The following DOCK2 variants were observed in gnomAD, a reference collection of about 807,000 sequenced individuals.
DOCK2 encodes dedicator of cytokinesis 2, also known as dedicator of cytokinesis protein 2.
DOCK2 carries 87 observed loss-of-function variants against 248.9 expected under a neutral mutation model. The observed-to-expected ratio is 0.35, with a 90% CI of 0.29 to 0.42. The LOEUF (loss-of-function observed/expected upper bound fraction) is 0.42, where lower values mean the gene tolerates loss of function less well. Among genes scored for constraint, DOCK2 ranks in the 10% least tolerant of loss-of-function variants. The pLI is 1.00. For synonymous variants in DOCK2, 805 were observed against 821.6 expected (o/e 0.98, Z 0.35); for missense variants, 1,747 against 2,300.2 (o/e 0.76, Z 4.92).
At chr5:170,030,435 T>G (rs1756092236) in intron 34 of DOCK2, among the ~76,000 whole-genome samples, 1 of 152,208 alleles carries the variant, frequency 6.6e-6, no homozygotes, top group African/African-American at 2.4e-5. Context: ...GATAAAATAT[T>G]ATCGAGCCCT....
chr5:170,048,528 T>C (rs1756797192), intron 40 of DOCK2, among the ~76,000 whole-genome samples: 1 of 152,264 alleles, frequency 6.6e-6, no homozygotes, highest in African/African-American at 2.4e-5. Context: ...TTGCTTCACA[T>C]TTCTGCAAAT....
chr5:169,975,497 T>C (rs1777683335), intron 27 of DOCK2, among the ~76,000 whole-genome samples: 1 of 152,174 alleles, frequency 6.6e-6, no homozygotes, highest in Non-Finnish European at 1.5e-5. Flanking sequence ...CCCTCAGTCA[T>C]ACCTTTCCAC....
At chr5:170,020,710 C>T (rs990745383) in intron 33 of DOCK2, among the ~76,000 whole-genome samples, 1 of 152,240 alleles carries the variant, frequency 6.6e-6, no homozygotes, top group Non-Finnish European at 1.5e-5. Flanking sequence ...TTCCTAAACC[C>T]ATGCTGCAAC....
intron 22 of DOCK2, among the ~76,000 whole-genome samples, chr5:169,742,339 G>A (rs752359065): frequency 6.6e-6 from 1 of 152,104 alleles, no homozygotes; most frequent in Non-Finnish European, 1.5e-5. Context: ...TTTGATTTTC[G>A]AGCAACCTTA....
intron 14 of DOCK2, among the ~76,000 whole-genome samples, chr5:169,705,344 T>C (rs1024983863): frequency 1.3e-5 from 2 of 152,060 alleles, no homozygotes; most frequent in Admixed American, 6.5e-5. Flanking sequence ...GAGAAAGGCT[T>C]AGATGCTGGG....
chr5:170,030,779 T>A (rs528076678), intron 34 of DOCK2, among the ~76,000 whole-genome samples: 62 of 152,330 alleles, frequency 4.1e-4, no homozygotes, highest in Non-Finnish European at 5.3e-4. Flanking sequence ...CCTAGGCTAG[T>A]CATCTCAGTT....
chr5:169,967,201 A>G (rs765619152), intron 27 of DOCK2, among the ~76,000 whole-genome samples: 8 of 152,250 alleles, frequency 5.3e-5, no homozygotes, highest in Non-Finnish European at 4.4e-5. Flanking sequence ...TGATATGCAC[A>G]GGGACATGAG....
Position 170,059,909 on chromosome 5 carries a change from G to A in DOCK2, c.4467+2243G>A, listed in dbSNP as rs191995432. 1.2e-3 allele frequency among the ~76,000 whole-genome samples: 182 copies of A among 152,304 alleles called. 1 individual carries two copies. In the South Asian group the frequency reaches 0.014, roughly 12 times the overall value. On this transcript the variant is annotated intron_variant, in intron 44 of 51. Coordinates refer to ENST00000520908, the MANE Select transcript of DOCK2 (RefSeq NM_004946.3). ...CATTGGGGAAACCTTCAAAAAGTTG[G>A]CCAGAGTGAATTTATCTTTAATGGC... is the stretch of plus-strand genomic sequence containing the variant.
At chr5:169,913,320 TGA>T (rs1359361308) in intron 27 of DOCK2, among the ~76,000 whole-genome samples, 2 of 152,230 alleles carry the variant, frequency 1.3e-5, no homozygotes, top group Admixed American at 6.5e-5. Context: ...CCACTCTGCC[TGA>T]GTTTTATTTA....
At chr5:169,724,789 C>T (rs376338973) in intron 22 of DOCK2, among the ~76,000 whole-genome samples, 8 of 150,798 alleles carry the variant, frequency 5.3e-5, no homozygotes, top group South Asian at 2.1e-4. Context: ...TTATTTATTC[C>T]GTGCCACCCT....
chr5:169,830,594 A>G lies in DOCK2; in HGVS notation c.2704-10163A>G, dbSNP rs562328459. On this transcript the variant is annotated intron_variant, in intron 26 of 51. Transcript: ENST00000520908. ...CTCCAACCAGCCTTTATTCATTGGC[A>G]TTAAGATATTGAACATGCAGACTTT... Among the ~76,000 whole-genome samples the G allele has an allele frequency of 3.9e-5, 6 of 152,350 alleles. No individual in the cohort carries two copies. The South Asian group carries it at 1.2e-3, about 32-fold the overall frequency.
intron 25 of DOCK2, among the ~76,000 whole-genome samples, chr5:169,777,933 G>A (rs1163480712): frequency 6.6e-6 from 1 of 152,180 alleles, no homozygotes; most frequent in Non-Finnish European, 1.5e-5. Flanking sequence ...CTTAGAGAAT[G>A]AATTCATCCC....
At chr5:169,801,146 G>GTTTTTTTT (rs60574755) in intron 25 of DOCK2, among the ~76,000 whole-genome samples, 3 of 76,050 alleles carry the variant, frequency 3.9e-5, no homozygotes, top group Non-Finnish European at 5.6e-5. Context: ...ATAGTTTTGG[G>GTTTTTTTT]TTTTTTTTTT....
intron 27 of DOCK2, among the ~76,000 whole-genome samples, chr5:169,974,003 A>G (rs2113769975): frequency 6.6e-6 from 1 of 152,300 alleles, no homozygotes; most frequent in South Asian, 2.1e-4. Flanking sequence ...AGAGGTGGTG[A>G]GGTGGACGAT....
At chr5:169,782,928 C>T (rs1375106131) in intron 25 of DOCK2, among the ~76,000 whole-genome samples, 1 of 152,138 alleles carries the variant, frequency 6.6e-6, no homozygotes, top group Non-Finnish European at 1.5e-5. Context: ...TTTTCCAATT[C>T]AAAAAATGTT....
At chr5:169,804,920 G>C (rs62384797) in intron 26 of DOCK2, among the ~76,000 whole-genome samples, 18,633 of 152,206 alleles carry the variant, frequency 0.12, 1,430 homozygotes, top group Non-Finnish European at 0.17. Flanking sequence ...GATGATGTTA[G>C]GGTGATGATG....
At chr5:169,776,277 C>T (rs1389074329) in intron 25 of DOCK2, among the ~76,000 whole-genome samples, 5 of 151,614 alleles carry the variant, frequency 3.3e-5, no homozygotes, top group Non-Finnish European at 5.9e-5. Flanking sequence ...ATCTTCCCAC[C>T]TCAGCCTCCT....
intron 26 of DOCK2, among the ~76,000 whole-genome samples, chr5:169,806,264 T>G (rs530851561): frequency 3.8e-4 from 54 of 142,512 alleles, no homozygotes; most frequent in Non-Finnish European, 7.2e-4. Context: ...TTCTGCCTCC[T>G]GAGTAGATAC....
chr5:169,700,512 T>A (rs1434142267), intron 13 of DOCK2, among the ~76,000 whole-genome samples: 1 of 145,998 alleles, frequency 6.8e-6, no homozygotes, highest in African/African-American at 2.7e-5. Flanking sequence ...AATATTGTCA[T>A]TCTCTTATAT....
Sources: allele counts gnomAD v4.1 joint callset (sites outside exome capture counted in the v4.1 genomes callset), GRCh38; gene constraint gnomAD v4.1.1; transcripts MANE v1.5; gene names NCBI Gene and HGNC (gene_info 2026-07-23, HGNC 2026-07-21).